The following NRXN3 variants were observed in gnomAD, a reference collection of about 807,000 sequenced individuals.
NRXN3 encodes the protein neurexin III.
Under a neutral mutation model 137.6 loss-of-function variants are expected in NRXN3, and 32 were observed. The ratio of observed to expected loss-of-function variants is 0.23; its 90% CI spans 0.18 to 0.31. NRXN3 has a LOEUF of 0.31. NRXN3 is among the 10% of genes least tolerant of loss of function. The probability of loss-of-function intolerance (pLI) is 1.00; values close to 1 mark genes in which losing one functional copy is unlikely to be tolerated. For synonymous variants in NRXN3, 798 were observed against 784.5 expected, an observed-to-expected ratio of 1.02 and a Z score of -0.29; for missense variants, 1,574 against 2,062.5, an observed-to-expected ratio of 0.76 and a Z score of 4.59.
chr14:78,649,302 T>G, intron 5 of NRXN3: 4 of 1,342,146 alleles, frequency 3.0e-6, no homozygotes, highest in Non-Finnish European at 3.9e-6. Context: ...GTAAACAAAC[T>G]ACATTGTCTG....
chr14:79,723,584 TCA>T (rs990663902), intron 19 of NRXN3, among the ~76,000 whole-genome samples: 2 of 152,118 alleles, frequency 1.3e-5, no homozygotes, highest in African/African-American at 2.4e-5. Flanking sequence ...GTCTCCATTC[TCA>T]CTCTTTTGTG....
chr14:78,995,961 G>C (rs2099529177), intron 15 of NRXN3, among the ~76,000 whole-genome samples: 1 of 151,884 alleles, frequency 6.6e-6, no homozygotes, highest in Non-Finnish European at 1.5e-5. Flanking sequence ...AGGTTCAGAG[G>C]GCATCTTCTG....
chr14:79,593,493 T>C (rs576845869), intron 16 of NRXN3, among the ~76,000 whole-genome samples: 6 of 151,684 alleles, frequency 4.0e-5, no homozygotes, highest in African/African-American at 7.3e-5. Context: ...TAGCCGGGCG[T>C]GGTGGCGGGC....
rs573777617 is a variant in NRXN3 at position 79,413,026 on chromosome 14, C to A, written c.3263-54195C>A. Among the ~76,000 whole-genome samples, 4 of 152,190 alleles carry A rather than the reference C, an allele frequency of 2.6e-5. No individual in the cohort carries two copies. In the South Asian group the frequency reaches 8.3e-4, roughly 32 times the overall value. On this transcript the variant is annotated intron_variant, in intron 15 of 20. Transcript: ENST00000335750. ...TGAGTCATCAAATTGATTTGACTGT[C>A]CTTGCCCTTCATATAATGTCCCAAT...
At chr14:79,401,930 A>G (rs1043507173) in intron 15 of NRXN3, among the ~76,000 whole-genome samples, 7 of 146,690 alleles carry the variant, frequency 4.8e-5, no homozygotes, top group Admixed American at 6.8e-5. Flanking sequence ...TTCTCATTTT[A>G]TTTTTAGACA....
At chr14:78,316,014 G>T (rs547440093) in intron 4 of NRXN3, among the ~76,000 whole-genome samples, 1 of 152,256 alleles carries the variant, frequency 6.6e-6, no homozygotes, top group African/African-American at 2.4e-5. Context: ...TTCTCTTGTA[G>T]CTAGAGGTTG....
At chr14:79,192,990 C>G (rs1004538861) in intron 15 of NRXN3, among the ~76,000 whole-genome samples, 8 of 151,896 alleles carry the variant, frequency 5.3e-5, no homozygotes, top group East Asian at 3.9e-4. Flanking sequence ...AGGCTGGTCT[C>G]AAACTCCTGA....
chr14:79,288,287 A>C (rs1476174925), intron 15 of NRXN3, among the ~76,000 whole-genome samples: 1 of 152,226 alleles, frequency 6.6e-6, no homozygotes, highest in African/African-American at 2.4e-5. Context: ...TAATGCTAGA[A>C]AGGAGCTCTA....
At chr14:79,458,747 G>T (rs1203953636) in intron 15 of NRXN3, among the ~76,000 whole-genome samples, 4 of 152,132 alleles carry the variant, frequency 2.6e-5, no homozygotes. Context: ...AGTTAAGTTG[G>T]CTGTGAGTTA....
At position 78,953,800 on chromosome 14, in the gene NRXN3, A is replaced by G. The variant is rs147273194; in HGVS notation, c.2276-3442A>G. ...TTATTACTTAAACTATAAAAGAGGG[A>G]AAAATACATGTAATACATACAACTA... is the stretch of plus-strand genomic sequence containing the variant. On this transcript the variant is annotated intron_variant, in intron 10 of 20. Coordinates refer to ENST00000335750, the MANE Select transcript of NRXN3 (RefSeq NM_001330195.2). 3.1e-3 allele frequency among the ~76,000 whole-genome samples: 473 copies of G among 152,260 alleles called. 5 individuals carry two copies. Among genetic ancestry groups the G allele is most frequent in the African/African-American group, 0.011 (442 of 41,554 alleles).
chr14:78,661,201 A>C (rs2097838542), intron 6 of NRXN3, among the ~76,000 whole-genome samples: 1 of 152,214 alleles, frequency 6.6e-6, no homozygotes, highest in Admixed American at 6.5e-5. Context: ...AGCAGAGAAA[A>C]GAGTGATCAA....
chr14:78,225,952 GGTGTGTGTGTGTGTGTGTGTTGGTGT>G (rs2064510596), intron 1 of NRXN3, among the ~76,000 whole-genome samples: 2 of 124,812 alleles, frequency 1.6e-5, no homozygotes, highest in South Asian at 2.7e-4. Context: ...GTGTTTTTTT[GGTGTGTGTGTGTGTGTGTGTTGGTGT>G]GTGTGTGTGT....
At chr14:78,697,784 C>T (rs1337203541) in intron 6 of NRXN3, 1 of 151,966 alleles carries the variant, frequency 6.6e-6, no homozygotes, top group Non-Finnish European at 1.5e-5. Flanking sequence ...TTGCACCCAA[C>T]TCTTATTTGC....
At chr14:78,542,344 C>T (rs1177979976) in intron 4 of NRXN3, among the ~76,000 whole-genome samples, 1 of 152,218 alleles carries the variant, frequency 6.6e-6, no homozygotes, top group Non-Finnish European at 1.5e-5. Context: ...TGGGCTCTGC[C>T]CAGTTTGAGC....
At chr14:78,182,328 A>G (rs868101725) in intron 1 of NRXN3, among the ~76,000 whole-genome samples, 1 of 149,278 alleles carries the variant, frequency 6.7e-6, no homozygotes, top group Non-Finnish European at 1.5e-5. Context: ...GCTCTCCTAC[A>G]CTTAACATCC....
At chr14:79,491,048 C>T (rs1290768525) in intron 16 of NRXN3, among the ~76,000 whole-genome samples, 1 of 152,048 alleles carries the variant, frequency 6.6e-6, no homozygotes, top group Non-Finnish European at 1.5e-5. Context: ...GACTGAGTGC[C>T]AGGGTGTATA....
At chr14:79,284,141 A>G (rs11628045) in intron 15 of NRXN3, among the ~76,000 whole-genome samples, 48,732 of 150,080 alleles carry the variant, frequency 0.32, 8,237 homozygotes, top group Admixed American at 0.45. Context: ...TTACATAAGC[A>G]ACTTTTGTAT....
intron 4 of NRXN3, among the ~76,000 whole-genome samples, chr14:78,532,214 G>A (rs973323755): frequency 8.6e-5 from 13 of 151,366 alleles, no homozygotes; most frequent in African/African-American, 2.9e-4. Flanking sequence ...CCAGCTACTC[G>A]GGAGGCTGAG....
chr14:78,289,739 C>T (rs576944994), intron 3 of NRXN3, among the ~76,000 whole-genome samples: 6 of 152,140 alleles, frequency 3.9e-5, no homozygotes, highest in South Asian at 4.2e-4. Flanking sequence ...CATGGTTAAA[C>T]CCCGTCTCTA....
Sources: gnomAD v4.1 joint callset for allele counts (sites outside exome capture counted in the v4.1 genomes callset) on GRCh38, gnomAD v4.1.1 for gene constraint, MANE v1.5 for transcripts, NCBI Gene and HGNC (gene_info 2026-07-23, HGNC 2026-07-21) for gene names.